UPP2: variants seen among roughly 807,000 people sequenced by gnomAD.
The protein encoded by UPP2 is UPase 2.
In UPP2, 23 loss-of-function variants were observed where a neutral mutation model predicts 26.7. That is an observed-to-expected ratio of 0.86 (90% confidence interval 0.62 to 1.22). The LOEUF is 1.22. Ranked by LOEUF, UPP2 falls within the 50% of genes most tolerant of loss-of-function variation. UPP2 has a pLI of 0.00. For synonymous variants in UPP2, 127 were observed against 141.3 expected (o/e 0.90, Z 0.72); for missense variants, 387 against 396.7 (o/e 0.98, Z 0.21).
At chr2:158,016,472 C>T (rs1384901097) in intron 3 of UPP2, among the ~76,000 whole-genome samples, 1 of 152,036 alleles carries the variant, frequency 6.6e-6, no homozygotes, top group East Asian at 1.9e-4. Context: ...TCCCAAGTGG[C>T]TGGGATTATA....
intron 3 of UPP2, among the ~76,000 whole-genome samples, chr2:158,027,475 T>A (rs1032011470): frequency 6.6e-6 from 1 of 152,172 alleles, no homozygotes; most frequent in Admixed American, 6.5e-5. Context: ...GTTTCTATGA[T>A]CCTGGGCAGC....
At position 158,071,837 on chromosome 2, in the gene UPP2, G is replaced by A. The variant is rs111456766; in HGVS notation, c.148-30203G>A. Among the ~76,000 whole-genome samples the A allele has an allele frequency of 4.2e-3, 635 of 152,282 alleles. 6 individuals carry two copies. Among genetic ancestry groups the A allele is most frequent in the African/African-American group, 0.014 (592 of 41,550 alleles). Reference sequence around the variant, plus strand: ...ACTAAAAGTGACACTAAGGTAGTATGCAGTGGGTCTTGGGTGAGAGTGTGA... The same window carrying A: ...ACTAAAAGTGACACTAAGGTAGTATACAGTGGGTCTTGGGTGAGAGTGTGA... On this transcript the variant is annotated intron_variant, in intron 3 of 9. Transcript: ENST00000605860.
chr2:158,108,718 A>C lies in UPP2; in HGVS notation c.180+2502A>C, dbSNP rs189420592. On this transcript the variant is annotated intron_variant, in intron 2 of 6. Coordinates refer to ENST00000005756, the MANE Select transcript of UPP2 (RefSeq NM_173355.4). ...TTTTGTTCAGCACTTATTCTCACAC[A>C]CTGTCTGTCATAACCACTATCCAAC... Among the ~76,000 whole-genome samples the C allele has an allele frequency of 2.6e-3, 398 of 152,100 alleles. 1 individual carries two copies. Among genetic ancestry groups the C allele is most frequent in the Middle Eastern group, 0.017 (5 of 294 alleles).
chr2:158,046,149 T>C (rs568410875), intron 3 of UPP2, among the ~76,000 whole-genome samples: 2 of 152,232 alleles, frequency 1.3e-5, no homozygotes, highest in Non-Finnish European at 2.9e-5. Context: ...GGTTTGTTCC[T>C]TTTGTTATCC....
chr2:158,106,381 T>G (rs1683196338), intron 2 of UPP2, among the ~76,000 whole-genome samples, 165 bp downstream of exon 2: 1 of 152,176 alleles, frequency 6.6e-6, no homozygotes, highest in African/African-American at 2.4e-5. Context: ...TCATGAACAA[T>G]CATTTCCACC....
intron 6 of UPP2, among the ~76,000 whole-genome samples, chr2:158,133,498 AAG>A (rs966936143): frequency 9.9e-5 from 15 of 152,170 alleles, no homozygotes; most frequent in African/African-American, 3.4e-4. Flanking sequence ...AAAAATCTTT[AAG>A]AGAGTAGATT....
intron 6 of UPP2, among the ~76,000 whole-genome samples, chr2:158,132,499 C>G (rs532666358): frequency 1.3e-5 from 2 of 152,192 alleles, no homozygotes; most frequent in African/African-American, 4.8e-5. Context: ...AATCCTAGCT[C>G]AAGGAATAGC....
rs532857539 is a variant in UPP2 at position 158,010,223 on chromosome 2, C to T, written c.62-5578C>T. On this transcript the variant is annotated intron_variant, in intron 2 of 9. Transcript: ENST00000605860. Reference sequence around the variant, plus strand: ...GACAAGCAATCAACCTTGATATAGGCGGAAAATATCTACTATAATAATTAT... The same window carrying T: ...GACAAGCAATCAACCTTGATATAGGTGGAAAATATCTACTATAATAATTAT... Among the ~76,000 whole-genome samples the T allele has an allele frequency of 9.2e-5, 14 of 152,026 alleles. No individual in the cohort carries two copies. The East Asian group carries it at 2.1e-3, about 23-fold the overall frequency.
At chr2:158,019,568 A>G (rs1683715168) in intron 3 of UPP2, among the ~76,000 whole-genome samples, 3 of 151,806 alleles carry the variant, frequency 2.0e-5, no homozygotes, top group Non-Finnish European at 4.4e-5. Flanking sequence ...AATTCTCTTT[A>G]ATGATAGCCT....
intron 3 of UPP2, among the ~76,000 whole-genome samples, chr2:158,068,297 G>A (rs1682469563): frequency 6.6e-6 from 1 of 152,090 alleles, no homozygotes; most frequent in South Asian, 2.1e-4. Context: ...GATTTTGAAT[G>A]GGATTTTACA....
intron 4 of UPP2, among the ~76,000 whole-genome samples, chr2:158,119,980 C>T (rs1321402998): frequency 6.7e-6 from 1 of 149,550 alleles, no homozygotes; most frequent in African/African-American, 2.5e-5. Flanking sequence ...CACTACATTA[C>T]AGCCTGGGTG....
chr2:158,023,064 A>G (rs1200273355), intron 3 of UPP2, among the ~76,000 whole-genome samples: 2 of 151,004 alleles, frequency 1.3e-5, no homozygotes. Flanking sequence ...TCAGCACCCA[A>G]CAAGATGAAT....
At chr2:158,012,261 AC>A (rs1362906793) in intron 2 of UPP2, among the ~76,000 whole-genome samples, 22 of 110,042 alleles carry the variant, frequency 2.0e-4, no homozygotes, top group African/African-American at 7.2e-4. Context: ...AATTGTTTCT[AC>A]CTTTTTTTTT....
intron 2 of UPP2, among the ~76,000 whole-genome samples, chr2:158,110,006 G>A (rs187295846): frequency 6.6e-6 from 1 of 152,142 alleles, no homozygotes; most frequent in Non-Finnish European, 1.5e-5. Flanking sequence ...TGGAAAAGAA[G>A]AAATATTTTT....
Position 158,102,044 on chromosome 2 carries a change from CTT to C in UPP2, c.-17_-16del, listed in dbSNP as rs1370166712. On this transcript the variant is annotated 5_prime_UTR_variant, in exon 1 of 7. Coordinates refer to ENST00000005756, the MANE Select transcript of UPP2 (RefSeq NM_173355.4). ...CTTTCTTGACATCAATTTAAGGTGA[CTT>C]TTCACATAGTAGAGAGAATGGCTTC... The C allele has an allele frequency of 6.2e-7, 1 of 1,612,202 alleles. No homozygotes were observed. Among genetic ancestry groups the C allele is most frequent in the Non-Finnish European group, 8.5e-7 (1 of 1,179,342 alleles).
At chr2:158,019,257 A>T (rs889790566) in intron 3 of UPP2, among the ~76,000 whole-genome samples, 1 of 152,176 alleles carries the variant, frequency 6.6e-6, no homozygotes, top group African/African-American at 2.4e-5. Flanking sequence ...TCCAAGATGG[A>T]GTCACTTTTG....
At chr2:158,122,880 C>T (rs368348212) in intron 5 of UPP2, among the ~76,000 whole-genome samples, 47 of 152,176 alleles carry the variant, frequency 3.1e-4, no homozygotes, top group African/African-American at 1.1e-3. Flanking sequence ...GAGGTGGTGG[C>T]ACGCAGCTCT....
chr2:158,045,568 C>T (rs115259165), intron 3 of UPP2, among the ~76,000 whole-genome samples: 60 of 152,286 alleles, frequency 3.9e-4, no homozygotes, highest in African/African-American at 1.3e-3. Flanking sequence ...ACCTCTGGGA[C>T]GACTTCATCA....
intron 3 of UPP2, among the ~76,000 whole-genome samples, chr2:158,037,250 C>T (rs1287525170): frequency 6.6e-6 from 1 of 152,076 alleles, no homozygotes; most frequent in African/African-American, 2.4e-5. Context: ...TGGCGGGCAT[C>T]TGTAATCCCA....
Sources: allele counts gnomAD v4.1 joint callset (sites outside exome capture counted in the v4.1 genomes callset), GRCh38; gene constraint gnomAD v4.1.1; transcripts MANE v1.5; gene names NCBI Gene and HGNC (gene_info 2026-07-23, HGNC 2026-07-21).